TAFA2: variants seen among roughly 807,000 people sequenced by gnomAD.
TAFA2 encodes TAFA chemokine like family member 2.
A neutral mutation model predicts 18.8 loss-of-function variants in TAFA2; 7 were observed. The observed-to-expected ratio is 0.37, with a 90% CI of 0.21 to 0.70. TAFA2 has a LOEUF of 0.70. Ranked by LOEUF, TAFA2 falls within the 30% of genes least tolerant of loss-of-function variation. The probability of loss-of-function intolerance (pLI) is 0.53; values close to 1 mark genes in which losing one functional copy is unlikely to be tolerated. For missense variants in TAFA2, 122 were observed against 158.1 expected, an observed-to-expected ratio of 0.77 and a Z score of 1.23; for synonymous variants, 60 against 54.2, an observed-to-expected ratio of 1.11 and a Z score of -0.47.
intron 1 of TAFA2, among the ~76,000 whole-genome samples, chr12:61,929,101 T>C (rs1362191888): frequency 1.3e-5 from 2 of 151,168 alleles, no homozygotes; most frequent in Non-Finnish European, 2.9e-5. Context: ...AGCACATGTA[T>C]ACCTATGTAA....
chr12:62,059,139 A>ATGTGTGTGTGTGTGTGTGTGTGTGTG (rs374882700), intron 1 of TAFA2, among the ~76,000 whole-genome samples: 20 of 136,328 alleles, frequency 1.5e-4, no homozygotes, highest in African/African-American at 4.2e-4. Flanking sequence ...ATGTGTGTAT[A>ATGTGTGTGTGTGTGTGTGTGTGTGTG]TGTGTGTGTG....
At chr12:61,898,026 G>A (rs1442905445) in intron 1 of TAFA2, among the ~76,000 whole-genome samples, 1 of 152,244 alleles carries the variant, frequency 6.6e-6, no homozygotes, top group Non-Finnish European at 1.5e-5. Context: ...AGGGGCTATA[G>A]GCCCCAAGCA....
chr12:62,215,680 G>GAACTTGTTTCTCCTGCTTAAGAGAAAC (rs2062731863), intron 1 of TAFA2, among the ~76,000 whole-genome samples: 1 of 80,802 alleles, frequency 1.2e-5, no homozygotes, highest in Non-Finnish European at 2.4e-5. Context: ...TTAAGAGGAA[G>GAACTTGTTTCTCCTGCTTAAGAGAAAC]AACTTGTTTC....
chr12:62,104,318 A>G (rs1011022011), intron 1 of TAFA2, among the ~76,000 whole-genome samples: 2 of 151,388 alleles, frequency 1.3e-5, no homozygotes, highest in African/African-American at 2.4e-5. Flanking sequence ...TTCTTTTTAC[A>G]TAATATTGAT....
intron 1 of TAFA2, among the ~76,000 whole-genome samples, chr12:62,228,005 C>T (rs1174171099): frequency 6.6e-6 from 1 of 152,150 alleles, no homozygotes; most frequent in Non-Finnish European, 1.5e-5. Context: ...GTTTTGGTTA[C>T]TATGGCTTTG....
At chr12:62,164,038 A>C (rs1188111181) in intron 1 of TAFA2, among the ~76,000 whole-genome samples, 1 of 152,138 alleles carries the variant, frequency 6.6e-6, no homozygotes, top group East Asian at 1.9e-4. Context: ...AGAAAATGAA[A>C]ATGTTATGAA....
intron 1 of TAFA2, among the ~76,000 whole-genome samples, chr12:61,981,527 A>G (rs1879636189): frequency 6.6e-6 from 1 of 152,238 alleles, no homozygotes; most frequent in South Asian, 2.1e-4. Flanking sequence ...CAGGGAACCA[A>G]CAGAATGGGA....
At chr12:61,875,878 C>A (rs1202985947) in intron 1 of TAFA2, among the ~76,000 whole-genome samples, 1 of 151,484 alleles carries the variant, frequency 6.6e-6, no homozygotes, top group East Asian at 1.9e-4. Flanking sequence ...ACAAAGCTTC[C>A]ACTCCTGCAT....
chr12:61,822,383 A>G (rs568745791), intron 2 of TAFA2, among the ~76,000 whole-genome samples: 144 of 152,308 alleles, frequency 9.5e-4, no homozygotes, highest in African/African-American at 3.2e-3. Flanking sequence ...CCAGTAGTAA[A>G]GGAAACAAAT....
intron 1 of TAFA2, among the ~76,000 whole-genome samples, chr12:62,186,877 C>T (rs1237464040): frequency 1.3e-5 from 2 of 152,092 alleles, no homozygotes; most frequent in Non-Finnish European, 2.9e-5. Context: ...TTTCCAATGG[C>T]AATACCAATC....
chr12:61,926,094 A>G lies in TAFA2; in HGVS notation c.-1-58668T>C, dbSNP rs187768863. On this transcript the variant is annotated intron_variant, in intron 1 of 4. Transcript: ENST00000416284. ...ACAACTCTACACAAATAAACTAGAA[A>G]ATCTAGAAGAAATGGATAAATTCCT... Among the ~76,000 whole-genome samples the G allele has an allele frequency of 4.0e-4, 61 of 152,342 alleles. 1 individual carries two copies. The highest frequency in any genetic ancestry group is 3.4e-3 in the Middle Eastern group (1 of 294).
chr12:62,086,250 A>T (rs1868448482), intron 1 of TAFA2, among the ~76,000 whole-genome samples: 2 of 152,108 alleles, frequency 1.3e-5, no homozygotes, highest in Non-Finnish European at 2.9e-5. Flanking sequence ...GATTGTTTGG[A>T]TATGACATCA....
Position 61,731,588 on chromosome 12 carries a change from A to C in TAFA2, c.385-21171T>G, listed in dbSNP as rs189008650. ...CATTCTTCTTTTACTTCCGCCTCTC[A>C]GATCATAATTGTTGCATCAGTAGAC... On this transcript the variant is annotated intron_variant, in intron 4 of 4. Transcript: ENST00000416284. Among the ~76,000 whole-genome samples, 39 of 132,068 alleles carry C rather than the reference A, an allele frequency of 3.0e-4. 1 individual carries two copies. The East Asian group carries it at 4.4e-3, about 15-fold the overall frequency. 86.6% of individuals were successfully genotyped at this position (132,068 alleles called of 152,430 possible).
chr12:62,191,863 G>A lies in TAFA2; in HGVS notation c.-606C>T. On this transcript the variant is annotated 5_prime_UTR_variant, in exon 1 of 5. Coordinates refer to ENST00000416284, the MANE Select transcript of TAFA2 (RefSeq NM_178539.5). ...ACACATCCTCCGTTCCCTCTCTCCC[G>A]CCCTCCCTCTTGTTCTCTGGGGAAA... is the stretch of plus-strand genomic sequence containing the variant. 6.6e-6 allele frequency: 1 copy of A among 152,378 alleles called. No individual in the cohort carries two copies. The highest frequency in any genetic ancestry group is 1.5e-5 in the Non-Finnish European group (1 of 68,338). 9.4% of individuals were successfully genotyped at this position (152,378 alleles called of 1,614,324 possible). A position where few individuals can be genotyped will look rare whatever the true frequency, so the allele number is the denominator to read the frequency against.
rs3034059 is a variant in TAFA2, at chr12:61,821,128, T to TACACACACAC, written c.106+46182_106+46191dup. 6.0e-3 allele frequency among the ~76,000 whole-genome samples: 875 copies of TACACACACAC among 146,572 alleles called. 5 individuals carry two copies. The highest frequency in any genetic ancestry group is 7.2e-3 in the Non-Finnish European group (478 of 66,222). On this transcript the variant is annotated intron_variant, in intron 2 of 4. Coordinates refer to ENST00000416284, the MANE Select transcript of TAFA2 (RefSeq NM_178539.5). ...GTGTTGACACTTCATTTGATAGGGG[T>TACACACACAC]ACACACACACACACACACACACACA...
intron 1 of TAFA2, among the ~76,000 whole-genome samples, chr12:62,135,176 T>G (rs1380902519): frequency 1.3e-5 from 2 of 152,038 alleles, no homozygotes; most frequent in Non-Finnish European, 2.9e-5. Context: ...ACATAGTAGG[T>G]GCTCAATAAA....
intron 1 of TAFA2, among the ~76,000 whole-genome samples, chr12:61,956,946 A>T (rs1186774329): frequency 6.6e-6 from 1 of 152,144 alleles, no homozygotes; most frequent in Admixed American, 6.6e-5. Flanking sequence ...CCAAAGTACT[A>T]TCTGCTTGCA....
chr12:61,818,417 G>A (rs1872176557), intron 2 of TAFA2, among the ~76,000 whole-genome samples: 2 of 150,838 alleles, frequency 1.3e-5, no homozygotes, highest in Non-Finnish European at 2.9e-5. Context: ...ACAATTAGTG[G>A]ATTTTAAACT....
intron 2 of TAFA2, among the ~76,000 whole-genome samples, chr12:61,789,841 G>A (rs1013632511): frequency 2.6e-5 from 4 of 151,842 alleles, no homozygotes; most frequent in African/African-American, 4.8e-5. Flanking sequence ...TGAAAGAAGA[G>A]GGAATATTTC....
Sources: allele counts gnomAD v4.1 joint callset (sites outside exome capture counted in the v4.1 genomes callset), GRCh38; gene constraint gnomAD v4.1.1; transcripts MANE v1.5; gene names NCBI Gene and HGNC (gene_info 2026-07-23, HGNC 2026-07-21).